The following TENM4 variants were observed in gnomAD, a reference collection of about 807,000 sequenced individuals.
The protein encoded by TENM4 is teneurin transmembrane protein 4.
In TENM4, 82 loss-of-function variants were observed where a neutral mutation model predicts 243.3. The observed-to-expected ratio is 0.34, with a 90% CI of 0.28 to 0.40. The LOEUF (loss-of-function observed/expected upper bound fraction) is 0.40, where lower values mean the gene tolerates loss of function less well. TENM4 is among the 10% of genes least tolerant of loss of function. The probability of loss-of-function intolerance (pLI) is 1.00; values close to 1 mark genes in which losing one functional copy is unlikely to be tolerated. For missense variants in TENM4, 3,138 were observed against 3,673.3 expected (o/e 0.85, Z 3.77); for synonymous variants, 1,412 against 1,456.3 (o/e 0.97, Z 0.69).
At chr11:79,266,256 A>G (rs1855882175) in intron 2 of TENM4, among the ~76,000 whole-genome samples, 1 of 152,194 alleles carries the variant, frequency 6.6e-6, no homozygotes, top group South Asian at 2.1e-4. Flanking sequence ...GTATCTTTAT[A>G]CATTCCTTAA....
At chr11:79,389,104 A>C (rs1305901441) in intron 1 of TENM4, among the ~76,000 whole-genome samples, 1 of 152,192 alleles carries the variant, frequency 6.6e-6, no homozygotes, top group Non-Finnish European at 1.5e-5. Context: ...AGCATCTTTC[A>C]AATCATACTG....
chr11:78,932,473 G>A (rs1187831416), intron 6 of TENM4, among the ~76,000 whole-genome samples: 2 of 152,090 alleles, frequency 1.3e-5, no homozygotes, highest in South Asian at 2.1e-4. Context: ...GAAGTGTTCC[G>A]AGAAGATCTC....
chr11:78,801,960 T>G (rs1260346022), intron 15 of TENM4, among the ~76,000 whole-genome samples: 1 of 152,136 alleles, frequency 6.6e-6, no homozygotes, highest in Non-Finnish European at 1.5e-5. Context: ...ATCCTCACAG[T>G]GATTCCATAA....
intron 3 of TENM4, among the ~76,000 whole-genome samples, chr11:79,170,672 G>A (rs1443409439): frequency 6.6e-6 from 1 of 152,144 alleles, no homozygotes; most frequent in Non-Finnish European, 1.5e-5. Flanking sequence ...ACCCCCAGAA[G>A]CTAATGGAGA....
In TENM4 at chr11:78,708,586, T is replaced by C. The variant is rs1859315839; in HGVS notation, c.4055-71A>G. The C allele has an allele frequency of 2.6e-6, 4 of 1,541,044 alleles. No individual in the cohort carries two copies. The East Asian group carries it at 9.4e-5, about 36-fold the overall frequency. ...AATGACCCGCACATTCCTGGAGCCTTGCTAACTGACAGAGCACCTCCTCTA... is the reference window on the plus strand; with the variant it reads ...AATGACCCGCACATTCCTGGAGCCTCGCTAACTGACAGAGCACCTCCTCTA... On this transcript the variant is annotated intron_variant, in intron 26 of 33. Coordinates refer to ENST00000278550, the MANE Select transcript of TENM4 (RefSeq NM_001098816.3).
Position 78,889,815 on chromosome 11 carries a change from T to C in TENM4, c.1054A>G (p.Thr352Ala). The C allele has an allele frequency of 6.4e-7, 1 of 1,551,512 alleles. No homozygotes were observed. The part of the protein sequence containing the change: ...AALSAIVISA[T>A]LVILLAYFVA... The stretch of plus-strand genomic sequence containing the variant: ...AAGTATGCCAGCAGGATGACCAGAG[T>C]GGCTGAGATGACGATGGCGCTCAGG... The change falls in exon 9 of 34, where the codon ACT (threonine) becomes GCT (alanine). Residue 352 changes from threonine (T) to alanine (A), a missense_variant. Physicochemically the swap from Thr to Ala is moderately conservative, Grantham distance 58. This residue lies in a region of TENM4 where 671 missense variants were observed against 614.1 expected (regional missense o/e 1.09). Coordinates refer to ENST00000278550, the MANE Select transcript of TENM4 (RefSeq NM_001098816.3).
chr11:78,988,224 G>A (rs992206258), intron 6 of TENM4, among the ~76,000 whole-genome samples: 3 of 152,178 alleles, frequency 2.0e-5, no homozygotes, highest in Non-Finnish European at 2.9e-5. Flanking sequence ...AGGGGTCCAT[G>A]TGTAAGAAAC....
chr11:78,954,911 G>C (rs1857177756), intron 6 of TENM4, among the ~76,000 whole-genome samples: 1 of 152,230 alleles, frequency 6.6e-6, no homozygotes, highest in Non-Finnish European at 1.5e-5. Flanking sequence ...AGAACCAACA[G>C]ATGAGCCTTT....
chr11:78,893,782 C>CAG (rs1855723327), intron 7 of TENM4, among the ~76,000 whole-genome samples: 1 of 150,884 alleles, frequency 6.6e-6, no homozygotes, highest in Non-Finnish European at 1.5e-5. Flanking sequence ...ACTTCACATA[C>CAG]ACACACACAC....
intron 7 of TENM4, among the ~76,000 whole-genome samples, chr11:78,899,560 G>T (rs648901): frequency 3.7e-5 from 3 of 80,782 alleles, no homozygotes; most frequent in African/African-American, 1.9e-4. Context: ...CTCAAAAAGC[G>T]GGGGGGGGGG....
At chr11:78,798,456 T>C (rs1296372373) in intron 15 of TENM4, among the ~76,000 whole-genome samples, 1 of 152,194 alleles carries the variant, frequency 6.6e-6, no homozygotes, top group Non-Finnish European at 1.5e-5. Context: ...TTCTGGAGGG[T>C]TCCACTGTGT....
chr11:79,339,091 T>C lies in TENM4; in HGVS notation c.-320-41548A>G, dbSNP rs183838816. 3.3e-5 allele frequency among the ~76,000 whole-genome samples: 5 copies of C among 152,278 alleles called. No individual in the cohort carries two copies. The East Asian group carries it at 5.8e-4, about 18-fold the overall frequency. ...AGTGCCAGGAAGATCCAGCAGAAAG[T>C]GGTTTTCCCTGTACTCCAACTCCAG... On this transcript the variant is annotated intron_variant, in intron 1 of 33. Coordinates refer to ENST00000278550, the MANE Select transcript of TENM4 (RefSeq NM_001098816.3).
chr11:79,313,049 C>T (rs1856747906), intron 1 of TENM4, among the ~76,000 whole-genome samples: 1 of 152,188 alleles, frequency 6.6e-6, no homozygotes, highest in Admixed American at 6.5e-5. Flanking sequence ...GCTTGTCTGT[C>T]TGGTGATGCT....
At chr11:79,349,824 AC>A (rs1565310453) in intron 1 of TENM4, among the ~76,000 whole-genome samples, 2 of 152,210 alleles carry the variant, frequency 1.3e-5, no homozygotes, top group Non-Finnish European at 2.9e-5. Flanking sequence ...ATTTATAGAT[AC>A]AGAAACACAG....
intron 4 of TENM4, among the ~76,000 whole-genome samples, chr11:79,078,931 C>G (rs1860596463): frequency 6.6e-6 from 1 of 152,260 alleles, no homozygotes; most frequent in East Asian, 1.9e-4. Flanking sequence ...ATAACCTACA[C>G]TGCTTCCTGC....
chr11:78,754,642 T>C (rs1856264325), intron 19 of TENM4, among the ~76,000 whole-genome samples: 1 of 152,154 alleles, frequency 6.6e-6, no homozygotes, highest in South Asian at 2.1e-4. Context: ...TGGGAAGGCC[T>C]ACAAGCATAC....
intron 1 of TENM4, among the ~76,000 whole-genome samples, chr11:79,365,524 A>C (rs1226962739): frequency 6.6e-6 from 1 of 152,206 alleles, no homozygotes; most frequent in Non-Finnish European, 1.5e-5. Context: ...CTGCCTTCTG[A>C]CCAGCCTTCT....
In TENM4 at chr11:79,098,734, C is replaced by G. The variant is rs183202538; in HGVS notation, c.-65-28725G>C. ...GGGTCTTCTCTGGGGCTCAGACCTT[C>G]CGTCTGGAAAATGAGGCTAATGAGT... On this transcript the variant is annotated intron_variant, in intron 4 of 33. Transcript: ENST00000278550. Among the ~76,000 whole-genome samples the G allele has an allele frequency of 1.1e-4, 17 of 152,328 alleles. No individual in the cohort carries two copies. In the East Asian group the frequency reaches 2.9e-3, roughly 26 times the overall value.
At chr11:79,082,431 C>G (rs1860699503) in intron 4 of TENM4, among the ~76,000 whole-genome samples, 1 of 152,172 alleles carries the variant, frequency 6.6e-6, no homozygotes, top group Admixed American at 6.5e-5. Flanking sequence ...TCAGCCGCAT[C>G]CCAGCAAGTG....
Sources: gnomAD v4.1 joint callset for allele counts (sites outside exome capture counted in the v4.1 genomes callset) on GRCh38, gnomAD v4.1.1 for gene constraint, gnomAD v4.1.1 regional missense constraint, MANE v1.5 for transcripts, NCBI Gene and HGNC (gene_info 2026-07-23, HGNC 2026-07-21) for gene names.